XPO7: variants seen among roughly 807,000 people sequenced by gnomAD.
XPO7 encodes the protein exportin 7.
A neutral mutation model predicts 144.3 loss-of-function variants in XPO7; 21 were observed. The observed-to-expected ratio is 0.15, with a 90% CI of 0.10 to 0.21. The LOEUF (loss-of-function observed/expected upper bound fraction) is 0.21, where lower values mean the gene tolerates loss of function less well. XPO7 is among the 10% of genes least tolerant of loss of function. The pLI, the probability that XPO7 is intolerant of heterozygous loss-of-function variation, is 1.00. For missense variants in XPO7, 808 were observed against 1,325.8 expected (o/e 0.61, Z 6.06); for synonymous variants, 580 against 499.6 (o/e 1.16, Z -2.15).
At chr8:21,925,019 G>A (rs1326374025) in intron 1 of XPO7, among the ~76,000 whole-genome samples, 1 of 152,222 alleles carries the variant, frequency 6.6e-6, no homozygotes, top group Non-Finnish European at 1.5e-5. Flanking sequence ...CCTGGTCATT[G>A]AGTTGTGAAT....
intron 1 of XPO7, among the ~76,000 whole-genome samples, chr8:21,925,634 A>G (rs887182934): frequency 2.6e-5 from 4 of 152,134 alleles, no homozygotes; most frequent in Admixed American, 6.5e-5. Flanking sequence ...TATGCCAGGC[A>G]CCATGCTAAG....
chr8:21,935,512 A>G (rs1334062179), intron 1 of XPO7, among the ~76,000 whole-genome samples: 1 of 152,194 alleles, frequency 6.6e-6, no homozygotes, highest in Non-Finnish European at 1.5e-5. Flanking sequence ...CTTTCCATTA[A>G]ATACAGATAG....
intron 12 of XPO7, 105 bp downstream of exon 12, chr8:21,984,944 T>C (rs1585469046): frequency 1.6e-6 from 2 of 1,239,216 alleles, no homozygotes; most frequent in East Asian, 2.4e-5. Flanking sequence ...AAGGATTCTT[T>C]CATCATCTGT....
chr8:21,988,108 G>T (rs3943207), intron 15 of XPO7, among the ~76,000 whole-genome samples: 31,961 of 152,182 alleles, frequency 0.21, 4,927 homozygotes, highest in African/African-American at 0.44. Flanking sequence ...GGAATCACAG[G>T]TGAAACTCTG....
chr8:21,966,929 G>C lies in XPO7; in HGVS notation c.91G>C (p.Glu31Gln). ...AGACACAACCACTCGACTCCAGGCA[G>C]AGAAAGCCTTGGTTGAATTTACCAA... ...TTDTTTRLQA[E>Q]KALVEFTNSP... The change falls in exon 2 of 28, where the codon GAG (glutamate) becomes CAG (glutamine). Residue 31 changes from glutamate (E) to glutamine (Q), a missense_variant. Physicochemically the swap from Glu to Gln is conservative, Grantham distance 29. Coordinates refer to ENST00000252512, the MANE Select transcript of XPO7 (RefSeq NM_015024.5). The C allele has an allele frequency of 6.2e-7, 1 of 1,614,040 alleles. No individual in the cohort carries two copies. Among genetic ancestry groups the C allele is most frequent in the Non-Finnish European group, 8.5e-7 (1 of 1,179,886 alleles).
chr8:21,930,212 G>T (rs149432951), intron 1 of XPO7, among the ~76,000 whole-genome samples: 422 of 152,254 alleles, frequency 2.8e-3, no homozygotes, highest in African/African-American at 9.4e-3. Context: ...GAATAGTATT[G>T]TTTAGAATGG....
Position 21,991,007 on chromosome 8 carries a change from G to T in XPO7, c.2041+88G>T, listed in dbSNP as rs755342426. 37 of 1,224,206 alleles carry T rather than the reference G, an allele frequency of 3.0e-5. No individual in the cohort carries two copies. The East Asian group carries it at 6.8e-4, about 22-fold the overall frequency. The allele number at this position is 1,224,206 out of a possible 1,614,324, so 75.8% of individuals were successfully genotyped here. ...GGACTGAAAACTAGATGTTGGGGAG[G>T]CCTTTTCTGTTTTTTCAACAGTAAC... On this transcript the variant is annotated intron_variant, in intron 18 of 27. Transcript: ENST00000252512.
rs1266078129 is a variant in XPO7 at position 21,977,887 on chromosome 8, A to C, written c.837+44A>C. 3.9e-6 allele frequency: 6 copies of C among 1,535,276 alleles called. No homozygotes were observed. The African/African-American group carries it at 8.2e-5, about 21-fold the overall frequency. ...TTCTTAAAGCAAACCTATTCATAGA[A>C]GATAGCAATGGTGAATGAACCTTAT... On this transcript the variant is annotated intron_variant, in intron 8 of 27. Coordinates refer to ENST00000252512, the MANE Select transcript of XPO7 (RefSeq NM_015024.5).
rs149308920 is a variant in XPO7, at chr8:21,943,463, A to G, written c.19-23394A>G. ...AGCCCCTTTTATTCTTTGGATTACT[A>G]TAACTGAACACATTTTTCTCACAAG... is the stretch of plus-strand genomic sequence containing the variant. On this transcript the variant is annotated intron_variant, in intron 1 of 27. Transcript: ENST00000252512. 3.3e-3 allele frequency among the ~76,000 whole-genome samples: 498 copies of G among 152,344 alleles called. 2 individuals are homozygous for G. Among genetic ancestry groups the G allele is most frequent in the African/African-American group, 0.012 (483 of 41,586 alleles).
At chr8:21,969,393 C>G (rs1811981183) in intron 2 of XPO7, 90 bp from the exon 3 acceptor site, 3 of 1,141,708 alleles carry the variant, frequency 2.6e-6, no homozygotes, top group Non-Finnish European at 3.8e-6. Context: ...ATTGCCTTTT[C>G]TTGAATCTGA....
intron 1 of XPO7, among the ~76,000 whole-genome samples, chr8:21,958,330 C>T (rs1811606308): frequency 6.6e-6 from 1 of 151,786 alleles, no homozygotes; most frequent in Non-Finnish European, 1.5e-5. Context: ...TGCTAGTCAC[C>T]ACATTTGCGT....
chr8:22,003,889 T>C lies in XPO7; in HGVS notation c.3043-14T>C. On this transcript the variant is annotated splice_polypyrimidine_tract_variant and intron_variant, in intron 26 of 27. Coordinates refer to ENST00000252512, the MANE Select transcript of XPO7 (RefSeq NM_015024.5). ...CTGCTTCTCTAACCTTCTGTTCCACTCCTTGCCCCACAGTATTTTTCTGAC... is the reference window on the plus strand; with the variant it reads ...CTGCTTCTCTAACCTTCTGTTCCACCCCTTGCCCCACAGTATTTTTCTGAC... 1 of 1,613,744 alleles carries C rather than the reference T, an allele frequency of 6.2e-7. No individual in the cohort carries two copies. Among genetic ancestry groups the C allele is most frequent in the Non-Finnish European group, 8.5e-7 (1 of 1,179,740 alleles).
chr8:21,953,804 A>G (rs1349150268), intron 1 of XPO7, among the ~76,000 whole-genome samples: 1 of 152,136 alleles, frequency 6.6e-6, no homozygotes, highest in Non-Finnish European at 1.5e-5. Context: ...CCATCTGTGT[A>G]TCTTTGGTGA....
At chr8:21,925,769 T>C (rs1223566775) in intron 1 of XPO7, among the ~76,000 whole-genome samples, 2 of 152,226 alleles carry the variant, frequency 1.3e-5, no homozygotes, top group Non-Finnish European at 2.9e-5. Flanking sequence ...CATCCTTGTA[T>C]TCTCTCCCCA....
intron 21 of XPO7, among the ~76,000 whole-genome samples, chr8:21,998,098 A>G (rs1244689510): frequency 6.6e-6 from 1 of 152,254 alleles, no homozygotes; most frequent in Non-Finnish European, 1.5e-5. Flanking sequence ...CATGCCAACT[A>G]ATGGCTGAAG....
At chr8:21,952,976 C>A (rs553591256) in intron 1 of XPO7, among the ~76,000 whole-genome samples, 21 of 152,224 alleles carry the variant, frequency 1.4e-4, no homozygotes, top group African/African-American at 4.3e-4. Context: ...AAAAACTGAG[C>A]AGAAAGTACA....
At chr8:21,989,404 C>G (rs1812686201) in intron 16 of XPO7, among the ~76,000 whole-genome samples, 1 of 152,206 alleles carries the variant, frequency 6.6e-6, no homozygotes, top group South Asian at 2.1e-4. Context: ...GTAGTAGAGA[C>G]AAACTCCTTC....
chr8:21,997,384 G>A (rs570920350), intron 21 of XPO7, among the ~76,000 whole-genome samples: 3 of 152,296 alleles, frequency 2.0e-5, no homozygotes, highest in South Asian at 4.1e-4. Context: ...TAAAATAGAG[G>A]GGAATTGAAG....
chr8:21,932,974 T>G (rs2117252225), intron 1 of XPO7, among the ~76,000 whole-genome samples: 1 of 152,300 alleles, frequency 6.6e-6, no homozygotes, highest in South Asian at 2.1e-4. Flanking sequence ...GGTGTGTTTC[T>G]ACGGGCAAGG....
Sources: gnomAD v4.1 joint callset for allele counts (sites outside exome capture counted in the v4.1 genomes callset) on GRCh38, gnomAD v4.1.1 for gene constraint, MANE v1.5 for transcripts, NCBI Gene and HGNC (gene_info 2026-07-23, HGNC 2026-07-21) for gene names.